KDM5B: variants seen among roughly 807,000 people sequenced by gnomAD.
KDM5B encodes the protein lysine demethylase 5B, also known as lysine-specific demethylase 5B.
Under a neutral mutation model 193.4 loss-of-function variants are expected in KDM5B, and 144 were observed. The ratio of observed to expected loss-of-function variants is 0.74; its 90% CI spans 0.65 to 0.86. KDM5B has a LOEUF of 0.86. KDM5B is among the 40% of genes least tolerant of loss of function. KDM5B has a pLI of 0.00. For synonymous variants in KDM5B, 668 were observed against 682.6 expected (o/e 0.98, Z 0.33); for missense variants, 1,833 against 1,886.9 (o/e 0.97, Z 0.53).
At position 202,742,775 on chromosome 1, in the gene KDM5B, T is replaced by A; in HGVS notation, c.2354A>T (p.Glu785Val). 1 of 1,614,136 alleles carries A rather than the reference T, an allele frequency of 6.2e-7. No homozygotes were observed. Among genetic ancestry groups the A allele is most frequent in the Non-Finnish European group, 8.5e-7 (1 of 1,179,982 alleles). Residue 785 changes from glutamate (E) to valine (V), a missense_variant, in exon 17 of 27, where the codon GAA (glutamate) becomes GTA (valine). Glu to Val is a moderately radical substitution (Grantham distance 121). Coordinates refer to ENST00000367265, the MANE Select transcript of KDM5B (RefSeq NM_006618.5). ...GTCTGGGAATTTCTTCATTTCAGAT[T>A]CTTCAATTAAAGCCTTGAAGCTGAC... ...SLVSFKALIE[E>V]SEMKKFPDND... is the part of the protein sequence containing the mutation.
At chr1:202,772,442 T>A (rs1465739173) in intron 4 of KDM5B, among the ~76,000 whole-genome samples, 2 of 152,138 alleles carry the variant, frequency 1.3e-5, no homozygotes, top group Non-Finnish European at 2.9e-5. Flanking sequence ...CTCAAAAATC[T>A]CAGCTGGCAG....
At chr1:202,756,633 C>A in intron 9 of KDM5B, 117 bp from the exon 10 acceptor site, 2 of 699,588 alleles carry the variant, frequency 2.9e-6, no homozygotes, top group South Asian at 3.8e-5. Flanking sequence ...CTATAATGTT[C>A]TATAATTGAT....
intron 7 of KDM5B, among the ~76,000 whole-genome samples, chr1:202,762,372 G>C (rs1656287051): frequency 6.6e-6 from 1 of 152,172 alleles, no homozygotes; most frequent in African/African-American, 2.4e-5. Flanking sequence ...ATGTAGAAGT[G>C]AGCTAGTGAT....
chr1:202,742,378 C>G lies in KDM5B; in HGVS notation c.2589+13G>C. The G allele has an allele frequency of 1.3e-6, 2 of 1,560,094 alleles. No homozygotes were observed. The highest frequency in any genetic ancestry group is 1.8e-6 in the Non-Finnish European group (2 of 1,131,038). On this transcript the variant is annotated intron_variant, in intron 18 of 26. Transcript: ENST00000367265. ...TTACCAAAGTATTCTCCCACACATC[C>G]CTCTATGGTTACCTTTAGTAATGGT...
intron 1 of KDM5B, among the ~76,000 whole-genome samples, chr1:202,802,374 TTTG>T (rs768944752): frequency 2.2e-4 from 34 of 151,916 alleles, no homozygotes; most frequent in South Asian, 1.2e-3. Flanking sequence ...ACACTGTTTT[TTTG>T]TTGTTGTTGT....
intron 14 of KDM5B, among the ~76,000 whole-genome samples, chr1:202,748,601 G>A (rs1558490095): frequency 2.0e-5 from 3 of 152,192 alleles, no homozygotes. Flanking sequence ...GGGTGTGGTG[G>A]CTCACGCCTG....
intron 11 of KDM5B, among the ~76,000 whole-genome samples, 200 bp downstream of exon 11, chr1:202,755,071 G>A (rs542130386): frequency 1.3e-5 from 2 of 152,320 alleles, no homozygotes; most frequent in South Asian, 4.1e-4. Context: ...TGCAATTTCA[G>A]GGAATTCATG....
intron 16 of KDM5B, among the ~76,000 whole-genome samples, chr1:202,743,061 T>C: frequency 6.6e-6 from 1 of 151,940 alleles, no homozygotes; most frequent in East Asian, 1.9e-4. Context: ...TTAGGGCGGG[T>C]ACAGTGGCTC....
Position 202,730,979 on chromosome 1 carries a change from G to A in KDM5B, c.4106C>T (p.Thr1369Ile), listed in dbSNP as rs1319784725. Residue 1369 changes from threonine to isoleucine, a missense_variant, in exon 25 of 27, where the codon ACT (threonine) becomes ATT (isoleucine). Transcript: ENST00000367265. ...AGCAGGGCTTGGCTTTGCAAGTAAAGTCTGGTAAAGTTCCTGAATTTCAGG... is the reference window on the plus strand; with the variant it reads ...AGCAGGGCTTGGCTTTGCAAGTAAAATCTGGTAAAGTTCCTGAATTTCAGG... ...SLPEIQELYQ[T>I]LLAKPSPAQQ... 9.3e-6 allele frequency: 15 copies of A among 1,613,806 alleles called. No homozygotes were observed. The highest frequency in any genetic ancestry group is 1.3e-5 in the Non-Finnish European group (15 of 1,179,878).
rs375405370 is a variant in KDM5B, at chr1:202,767,030, T to C, written c.607A>G (p.Thr203Ala). Residue 203 changes from threonine to alanine, a missense_variant, in exon 5 of 27, where the codon ACT (threonine) becomes GCT (alanine). Thr to Ala is a moderately conservative substitution (Grantham distance 58). Around this residue, in one of 3 missense-constraint regions of KDM5B, gnomAD observed 355 missense variants for 374.9 expected, o/e 0.95. Coordinates refer to ENST00000367265, the MANE Select transcript of KDM5B (RefSeq NM_006618.5). ...CLQKPNLTTD[T>A]KDKEYKPHDI... is the part of the protein sequence containing the mutation. ...TGGGGTTTGTACTCCTTGTCCTTAGTGTCTGTGGTCAGGTTTGGCTTCTGC... is the reference window on the plus strand; with the variant it reads ...TGGGGTTTGTACTCCTTGTCCTTAGCGTCTGTGGTCAGGTTTGGCTTCTGC... 1.2e-6 allele frequency: 2 copies of C among 1,609,270 alleles called. No homozygotes were observed. Among genetic ancestry groups the C allele is most frequent in the East Asian group, 2.2e-5 (1 of 44,854 alleles).
chr1:202,765,359 A>AT (rs1196695000), intron 5 of KDM5B, among the ~76,000 whole-genome samples: 1 of 152,200 alleles, frequency 6.6e-6, no homozygotes, highest in Non-Finnish European at 1.5e-5. Flanking sequence ...AAATAAAACC[A>AT]TTTTTTGTGG....
intron 12 of KDM5B, 120 bp from the exon 13 acceptor site, chr1:202,750,898 C>A: frequency 1.1e-6 from 1 of 945,446 alleles, no homozygotes; most frequent in African/African-American, 1.7e-5. Flanking sequence ...GAAATTGAGC[C>A]AGAAAAAACA....
chr1:202,802,901 A>G (rs1328251392), intron 1 of KDM5B, among the ~76,000 whole-genome samples: 1 of 152,248 alleles, frequency 6.6e-6, no homozygotes, highest in Non-Finnish European at 1.5e-5. Flanking sequence ...AATTTTTCTT[A>G]TCAGTGTCTC....
At chr1:202,743,450 C>G (rs1572716710) in intron 16 of KDM5B, among the ~76,000 whole-genome samples, 2 of 151,344 alleles carry the variant, frequency 1.3e-5, no homozygotes, top group Admixed American at 1.3e-4. Flanking sequence ...GTGGCTTGAA[C>G]CACTTCTTCC....
At chr1:202,799,375 C>T (rs889404621) in intron 1 of KDM5B, among the ~76,000 whole-genome samples, 4 of 151,864 alleles carry the variant, frequency 2.6e-5, no homozygotes, top group Admixed American at 1.3e-4. Flanking sequence ...AATTTTAACC[C>T]GGGCGCGGTG....
At chr1:202,755,086 C>T (rs1201727118) in intron 11 of KDM5B, among the ~76,000 whole-genome samples, 185 bp downstream of exon 11, 4 of 152,208 alleles carry the variant, frequency 2.6e-5, no homozygotes, top group African/African-American at 9.7e-5. Context: ...TTCATGGATG[C>T]TCTAGGAATC....
intron 4 of KDM5B, chr1:202,767,391 T>C: frequency 1.4e-6 from 2 of 1,471,300 alleles, no homozygotes; most frequent in Non-Finnish European, 1.9e-6. Context: ...CCACAGAGGC[T>C]GTGAACCTCC....
intron 1 of KDM5B, chr1:202,797,076 T>A (rs569747795): frequency 6.6e-6 from 1 of 152,186 alleles, no homozygotes; most frequent in South Asian, 2.1e-4. Flanking sequence ...AGAGACTCAA[T>A]CAGGACCAGC....
In KDM5B at chr1:202,742,645, A is replaced by T; in HGVS notation, c.2474+10T>A. On this transcript the variant is annotated intron_variant, in intron 17 of 26. Transcript: ENST00000367265. ...AAAGAATCCAAACTCACGCAGTCAG[A>T]AGCGCATACCTAGTTTGCCTTTTGC... 1 of 1,613,514 alleles carries T rather than the reference A, an allele frequency of 6.2e-7. No homozygotes were observed.
Sources: gnomAD v4.1 joint callset for allele counts (sites outside exome capture counted in the v4.1 genomes callset) on GRCh38, gnomAD v4.1.1 for gene constraint, gnomAD v4.1.1 regional missense constraint, MANE v1.5 for transcripts, NCBI Gene and HGNC (gene_info 2026-07-23, HGNC 2026-07-21) for gene names.